MYO3B: variants seen among roughly 807,000 people sequenced by gnomAD.
MYO3B encodes the protein myosin-IIIb.
A neutral mutation model predicts 174.6 loss-of-function variants in MYO3B; 156 were observed. The observed-to-expected ratio is 0.89, with a 90% CI of 0.78 to 1.02. MYO3B has a LOEUF of 1.02. Ranked by LOEUF, MYO3B falls within the 50% of genes least tolerant of loss-of-function variation. The probability of loss-of-function intolerance (pLI) is 0.00; values close to 1 mark genes in which losing one functional copy is unlikely to be tolerated. For missense variants in MYO3B, 1,632 were observed against 1,639.4 expected (o/e 1.00, Z 0.08); for synonymous variants, 563 against 569.1 (o/e 0.99, Z 0.15).
intron 7 of MYO3B, among the ~76,000 whole-genome samples, chr2:170,242,050 G>A (rs1467645015): frequency 6.6e-6 from 1 of 152,156 alleles, no homozygotes; most frequent in African/African-American, 2.4e-5. Context: ...AACTATTGTT[G>A]AAGTGTAATG....
intron 25 of MYO3B, among the ~76,000 whole-genome samples, chr2:170,489,601 A>G (rs1202089099): frequency 6.6e-6 from 1 of 150,710 alleles, no homozygotes; most frequent in Non-Finnish European, 1.5e-5. Flanking sequence ...CATGAGAGCA[A>G]TCAGGGTTCT....
intron 3 of MYO3B, among the ~76,000 whole-genome samples, chr2:170,205,849 T>A (rs2092708746): frequency 6.6e-6 from 1 of 152,132 alleles, no homozygotes; most frequent in South Asian, 2.1e-4. Context: ...CTGTTAATAG[T>A]TTCCCTTTTT....
At chr2:170,541,004 A>G (rs1309665543) in intron 30 of MYO3B, among the ~76,000 whole-genome samples, 1 of 152,128 alleles carries the variant, frequency 6.6e-6, no homozygotes, top group Non-Finnish European at 1.5e-5. Flanking sequence ...TCTGCCGCTG[A>G]CTTTTCTTAA....
At chr2:170,612,639 C>A (rs1324333596) in intron 32 of MYO3B, among the ~76,000 whole-genome samples, 1 of 152,130 alleles carries the variant, frequency 6.6e-6, no homozygotes, top group East Asian at 1.9e-4. Context: ...ACACGCTGAC[C>A]CACACGTAAC....
chr2:170,614,836 C>A (rs949427112), intron 32 of MYO3B, among the ~76,000 whole-genome samples: 1 of 152,224 alleles, frequency 6.6e-6, no homozygotes, highest in African/African-American at 2.4e-5. Flanking sequence ...TCCCTCCCAG[C>A]ATGAGCCCTC....
chr2:170,395,872 G>A (rs1216223449), intron 16 of MYO3B, among the ~76,000 whole-genome samples: 1 of 152,198 alleles, frequency 6.6e-6, no homozygotes, highest in African/African-American at 2.4e-5. Context: ...TCTTAGAGTA[G>A]CGCCAGGCTA....
intron 23 of MYO3B, among the ~76,000 whole-genome samples, chr2:170,455,634 A>G (rs1683862789): frequency 1.3e-5 from 2 of 152,228 alleles, no homozygotes; most frequent in African/African-American, 2.4e-5. Flanking sequence ...GAAACACTCA[A>G]TAGATACTGT....
intron 32 of MYO3B, among the ~76,000 whole-genome samples, chr2:170,604,717 C>A (rs1694709776): frequency 6.6e-6 from 1 of 151,476 alleles, no homozygotes; most frequent in African/African-American, 2.4e-5. Context: ...TTAAAGCAAC[C>A]CAAACAATTT....
At chr2:170,355,814 T>C (rs964196797) in intron 8 of MYO3B, among the ~76,000 whole-genome samples, 2 of 152,194 alleles carry the variant, frequency 1.3e-5, no homozygotes, top group African/African-American at 4.8e-5. Context: ...GGCCTGACCC[T>C]ATAAAAATTC....
chr2:170,548,253 T>C (rs1690668294), intron 32 of MYO3B, among the ~76,000 whole-genome samples: 2 of 151,756 alleles, frequency 1.3e-5, no homozygotes, highest in South Asian at 4.1e-4. Flanking sequence ...AGAATGTGAA[T>C]GGACTATATG....
At chr2:170,437,310 G>T (rs1483577033) in intron 22 of MYO3B, among the ~76,000 whole-genome samples, 1 of 151,708 alleles carries the variant, frequency 6.6e-6, no homozygotes, top group Non-Finnish European at 1.5e-5. Flanking sequence ...TTGACCTATT[G>T]AATATTTTAA....
At chr2:170,441,134 GTTAGTTCTAACATTTA>G (rs1020491500) in intron 22 of MYO3B, among the ~76,000 whole-genome samples, 13 of 152,198 alleles carry the variant, frequency 8.5e-5, no homozygotes, top group Non-Finnish European at 4.4e-5. Context: ...TTTTGCTAAA[GTTAGTTCTAACATTTA>G]TTAGTTCTAA....
chr2:170,359,591 G>A (rs1298214679), intron 8 of MYO3B, among the ~76,000 whole-genome samples: 1 of 152,094 alleles, frequency 6.6e-6, no homozygotes, highest in Non-Finnish European at 1.5e-5. Context: ...GCATTGTTCT[G>A]TTCTACTCAT....
At chr2:170,360,475 C>G (rs2094152498) in intron 8 of MYO3B, among the ~76,000 whole-genome samples, 1 of 152,188 alleles carries the variant, frequency 6.6e-6, no homozygotes, top group African/African-American at 2.4e-5. Context: ...TTTGAAAGTT[C>G]TGATCAGGGC....
At chr2:170,354,243 C>G (rs2094101801) in intron 8 of MYO3B, among the ~76,000 whole-genome samples, 1 of 152,172 alleles carries the variant, frequency 6.6e-6, no homozygotes, top group Non-Finnish European at 1.5e-5. Context: ...CTTCTCTTCC[C>G]TTTCTCCTTG....
At chr2:170,207,539 G>A (rs931492808) in intron 3 of MYO3B, among the ~76,000 whole-genome samples, 1 of 152,028 alleles carries the variant, frequency 6.6e-6, no homozygotes, top group Non-Finnish European at 1.5e-5. Flanking sequence ...CTTCCCCTGA[G>A]CGCAATCCTA....
chr2:170,631,697 G>A (rs1315126822), intron 32 of MYO3B, among the ~76,000 whole-genome samples: 1 of 152,078 alleles, frequency 6.6e-6, no homozygotes, highest in Non-Finnish European at 1.5e-5. Context: ...CAGACTAACA[G>A]TGGATCTCTC....
intron 32 of MYO3B, chr2:170,646,933 T>C (rs777921620): frequency 7.4e-7 from 1 of 1,357,568 alleles, no homozygotes; most frequent in South Asian, 1.1e-5. Context: ...GGATGTAACT[T>C]TTATGGGTAT....
chr2:170,496,185 G>T (rs1428910678), intron 25 of MYO3B, among the ~76,000 whole-genome samples: 1 of 152,114 alleles, frequency 6.6e-6, no homozygotes, highest in Non-Finnish European at 1.5e-5. Flanking sequence ...ACAGCCCCAG[G>T]GTTTCTGAAT....
Sources: allele counts gnomAD v4.1 joint callset (sites outside exome capture counted in the v4.1 genomes callset), GRCh38; gene constraint gnomAD v4.1.1; transcripts MANE v1.5; gene names NCBI Gene and HGNC (gene_info 2026-07-23, HGNC 2026-07-21).